ZNF584: variants seen among roughly 807,000 people sequenced by gnomAD.
ZNF584 encodes the protein zinc finger protein 584.
ZNF584 carries 12 observed loss-of-function variants against 14.7 expected under a neutral mutation model. That is an observed-to-expected ratio of 0.82 (90% CI 0.52 to 1.32). The LOEUF (loss-of-function observed/expected upper bound fraction) is 1.32. Ranked by LOEUF, ZNF584 falls within the 40% of genes most tolerant of loss-of-function variation. The pLI is 0.00. For missense variants in ZNF584, 478 were observed against 518.8 expected (o/e 0.92, Z 0.76); for synonymous variants, 204 against 190.9 (o/e 1.07, Z -0.57).
intron 1 of ZNF584, 191 bp downstream of exon 1, chr19:58,409,356 C>T (rs961920167): frequency 5.7e-5 from 40 of 706,564 alleles, no homozygotes; most frequent in Non-Finnish European, 8.3e-5. Context: ...AGGATGGGGT[C>T]GTAGTTGCTG....
intron 1 of ZNF584, among the ~76,000 whole-genome samples, chr19:58,403,014 T>G (rs1256634234): frequency 2.0e-5 from 3 of 152,140 alleles, no homozygotes; most frequent in African/African-American, 7.2e-5. Context: ...TGCAAAACAC[T>G]GATAGCACCA....
intron 2 of ZNF584, among the ~76,000 whole-genome samples, chr19:58,413,781 G>A (rs996961132): frequency 7.9e-5 from 12 of 151,652 alleles, no homozygotes; most frequent in African/African-American, 2.9e-4. Flanking sequence ...GATTACAGGC[G>A]TGAGCCACCA....
chr19:58,417,587 A>T lies in ZNF584; in HGVS notation c.1069A>T (p.Ser357Cys). Reference sequence around the variant, plus strand: ...CACTGGGGAACGGCCCTATGAATGTAGCCTGTGTGGGAAAACCTTCACTAC... The same window carrying T: ...CACTGGGGAACGGCCCTATGAATGTTGCCTGTGTGGGAAAACCTTCACTAC... ...VHTGERPYEC[S>C]LCGKTFTTRS... The change falls in exon 4 of 4, where the codon AGC (serine) becomes TGC (cysteine). Residue 357 changes from serine to cysteine, a missense_variant. Ser to Cys is a moderately radical substitution (Grantham distance 112, BLOSUM62 -1). Transcript: ENST00000306910. 1 of 1,614,202 alleles carries T rather than the reference A, an allele frequency of 6.2e-7. No homozygotes were observed. Among genetic ancestry groups the T allele is most frequent in the Non-Finnish European group, 8.5e-7 (1 of 1,180,038 alleles).
chr19:58,413,756 C>T (rs2052605772), intron 2 of ZNF584, among the ~76,000 whole-genome samples: 1 of 152,070 alleles, frequency 6.6e-6, no homozygotes, highest in African/African-American at 2.4e-5. Context: ...CCACCTCAGC[C>T]TACCAAAGTG....
At chr19:58,410,203 C>G (rs1447859967) in intron 2 of ZNF584, 112 bp downstream of exon 2, 2 of 1,369,574 alleles carry the variant, frequency 1.5e-6, no homozygotes, top group Non-Finnish European at 1.9e-6. Context: ...CCCAGATTCC[C>G]TGTTGTAGGT....
chr19:58,404,541 G>A (rs1202425779), upstream of ZNF584: 2 of 179,108 alleles, frequency 1.1e-5, no homozygotes, highest in Non-Finnish European at 1.2e-5. Flanking sequence ...AGAGAGCACA[G>A]GGTTGGGGGT....
At position 58,416,952 on chromosome 19, in the gene ZNF584, G is replaced by T; in HGVS notation, c.434G>T (p.Ser145Ile). ...GGGGCAGCTTTCCCACCTGGTTCCA[G>T]TTGTGGGCAACAGCAAGAAGTCCAT... ...EHGAAFPPGS[S>I]CGQQQEVHVA... The change falls in exon 4 of 4, where the codon AGT becomes ATT. Residue 145 changes from serine (S) to isoleucine (I), a missense_variant. By Grantham distance (142) the Ser-to-Ile change is moderately radical. Transcript: ENST00000306910. 6.2e-7 allele frequency: 1 copy of T among 1,613,092 alleles called. No homozygotes were observed. Among genetic ancestry groups the T allele is most frequent in the South Asian group, 1.1e-5 (1 of 90,916 alleles).
At position 58,417,767 on chromosome 19, in the gene ZNF584, A is replaced by T; in HGVS notation, c.1249A>T (p.Lys417Ter). 1 of 1,609,632 alleles carries T rather than the reference A, an allele frequency of 6.2e-7. No individual in the cohort carries two copies. The highest frequency in any genetic ancestry group is 8.5e-7 in the Non-Finnish European group (1 of 1,177,458). ...GCGTCAGGAGGACAGGGCACATGGG[A>T]AGGTCGTTAGCTGCTAGCACCGTGT... ...ERRQEDRAHG[K>*]VVSC Residue 417 changes from lysine to a stop codon, truncating the protein, a stop_gained, in exon 4 of 4, where the codon AAG becomes TAG. Transcript: ENST00000306910. LOFTEE classifies it low-confidence loss of function (END_TRUNC).
chr19:58,409,680 A>T (rs1040030509), intron 1 of ZNF584, among the ~76,000 whole-genome samples: 8 of 152,148 alleles, frequency 5.3e-5, no homozygotes, highest in African/African-American at 1.9e-4. Context: ...CACCAACCTG[A>T]TGTCGCTTTG....
upstream of ZNF584, chr19:58,406,357 A>AGGGGGGGGGGGGGGGGGGGGGGG (rs1568580987): frequency 9.2e-5 from 2 of 21,824 alleles, no homozygotes; most frequent in East Asian, 2.3e-3. Flanking sequence ...GGGGGGGGGG[A>AGGGGGGGGGGGGGGGGGGGGGGG]GGGGGAGGGG....
chr19:58,408,822 T>C lies in ZNF584; in HGVS notation c.-326T>C. 3.5e-6 allele frequency: 1 copy of C among 289,358 alleles called. No homozygotes were observed. Among genetic ancestry groups the C allele is most frequent in the Non-Finnish European group, 6.5e-6 (1 of 153,670 alleles). The allele number at this position is 289,358 out of a possible 1,614,324, so 17.9% of individuals were successfully genotyped here. ...TCCCGGCGCCTCAGGCAGCTCTGCG[T>C]GGGCCGGGGTGACTTCCTCGCGATC... On this transcript the variant is annotated 5_prime_UTR_variant, in exon 1 of 4. Coordinates refer to ENST00000306910, the MANE Select transcript of ZNF584 (RefSeq NM_173548.3).
chr19:58,417,622 C>T lies in ZNF584; in HGVS notation c.1104C>T (p.Tyr368=). ...GGAAAACCTTCACTACCAGATCCTA[C>T]CGCAATCGGCACCAGCAGTTCCACA... is the stretch of plus-strand genomic sequence containing the variant. ...LCGKTFTTRS[Y]RNRHQQFHTE... Residue 368 remains tyrosine (Y), a synonymous_variant, in exon 4 of 4, where the codon TAC becomes TAT. Coordinates refer to ENST00000306910, the MANE Select transcript of ZNF584 (RefSeq NM_173548.3). 1.2e-6 allele frequency: 2 copies of T among 1,614,152 alleles called. No homozygotes were observed. The highest frequency in any genetic ancestry group is 8.5e-7 in the Non-Finnish European group (1 of 1,180,038).
rs1211379190 is a variant in ZNF584, at chr19:58,415,478, C to T, written c.170-46C>T. The T allele has an allele frequency of 1.9e-6, 3 of 1,583,172 alleles. 1 individual carries two copies. The highest frequency in any genetic ancestry group is 2.3e-5 in the South Asian group (2 of 87,202). On this transcript the variant is annotated intron_variant, in intron 2 of 3. Transcript: ENST00000306910. ...TCCAAAGTGCTGGGATTACAGGCAT[C>T]AGCCACCATGCCCAGCCTGTTTCTT...
upstream of ZNF584, chr19:58,407,192 G>A (rs771537012): frequency 2.6e-5 from 4 of 152,292 alleles, no homozygotes; most frequent in Non-Finnish European, 4.4e-5. Flanking sequence ...TGGTCCACCT[G>A]CTGGTGGGAA....
intron 1 of ZNF584, 36 bp downstream of exon 1, chr19:58,409,201 CA>C (rs2052508604): frequency 1.4e-6 from 2 of 1,403,022 alleles, no homozygotes; most frequent in African/African-American, 3.0e-5. Flanking sequence ...TGAGGGGGCC[CA>C]CCAGGTGGGG....
chr19:58,401,683 C>T (rs907645407), intron 1 of ZNF584: 3 of 151,264 alleles, frequency 2.0e-5, no homozygotes, highest in Non-Finnish European at 4.4e-5. Context: ...AGCGAGAGAC[C>T]AGTCCCTTCG....
exon 1 of ZNF584, chr19:58,401,649 C>T (rs970941977): frequency 2.6e-5 from 4 of 151,462 alleles, no homozygotes; most frequent in Non-Finnish European, 5.9e-5. Context: ...GGACAGGAGG[C>T]TGCGGGGCCT....
chr19:58,417,461 C>T lies in ZNF584; in HGVS notation c.943C>T (p.Leu315Phe), dbSNP rs2052659861. Residue 315 changes from leucine to phenylalanine, a missense_variant, in exon 4 of 4, where the codon CTT becomes TTT. Around this residue, in one of 3 missense-constraint regions of ZNF584, gnomAD observed 283 missense variants for 317.3 expected, o/e 0.89. Coordinates refer to ENST00000306910, the MANE Select transcript of ZNF584 (RefSeq NM_173548.3). Reference protein sequence around the residue: ...KFFKYNNSFILHQRVHTGERP... With the variant: ...KFFKYNNSFIFHQRVHTGERP... ...CTTTAAATACAATAATAGCTTCATT[C>T]TTCACCAGAGAGTTCACACTGGAGA... 1 of 1,613,994 alleles carries T rather than the reference C, an allele frequency of 6.2e-7. No homozygotes were observed. Among genetic ancestry groups the T allele is most frequent in the Non-Finnish European group, 8.5e-7 (1 of 1,179,990 alleles).
intron 3 of ZNF584, chr19:58,415,991 T>A (rs765506547): frequency 6.3e-7 from 1 of 1,581,026 alleles, no homozygotes; most frequent in Non-Finnish European, 8.6e-7. Context: ...CCAGCTACTA[T>A]TTTGGAATCA....
Sources: allele counts gnomAD v4.1 joint callset (sites outside exome capture counted in the v4.1 genomes callset), GRCh38; gene constraint gnomAD v4.1.1; regional missense constraint gnomAD v4.1.1; transcripts MANE v1.5; gene names NCBI Gene and HGNC (gene_info 2026-07-23, HGNC 2026-07-21).